Variants in CELSR1 observed in about 807,000 individuals in gnomAD.
CELSR1 encodes the protein cadherin EGF LAG seven-pass G-type receptor 1.
A neutral mutation model predicts 249.1 loss-of-function variants in CELSR1; 110 were observed. The ratio of observed to expected loss-of-function variants is 0.44; its 90% CI spans 0.38 to 0.52. The LOEUF (loss-of-function observed/expected upper bound fraction) is 0.52. Among genes scored for constraint, CELSR1 ranks in the 20% least tolerant of loss-of-function variants. CELSR1 has a pLI of 0.00. For synonymous variants in CELSR1, 2,113 were observed against 1,900.0 expected, an observed-to-expected ratio of 1.11 and a Z score of -2.92; for missense variants, 4,109 against 4,296.4, an observed-to-expected ratio of 0.96 and a Z score of 1.22.
In CELSR1 at chr22:46,380,750, G is replaced by T; in HGVS notation, c.7256+38C>A. 6.2e-7 allele frequency: 1 copy of T among 1,601,334 alleles called. No homozygotes were observed. Among genetic ancestry groups the T allele is most frequent in the South Asian group, 1.1e-5 (1 of 90,714 alleles). ...GACCCTGCGGGGGCACTCTGCCTTG[G>T]CAAAGCCCTCACATGGGGCTCCTGG... is the stretch of plus-strand genomic sequence containing the variant. On this transcript the variant is annotated intron_variant, in intron 22 of 34. Transcript: ENST00000674500. The surrounding 1 kb of genome is among the most constrained non-coding windows in gnomAD (Gnocchi z 5.1).
rs1419857490 is a variant in CELSR1, at chr22:46,512,066, C to T, written c.3544+21561G>A. ...TCAGGTTCTGGGGTCCTGAAGTGCC[C>T]CGAGCCCACCCCCAGATCCCAGCCC... On this transcript the variant is annotated intron_variant, in intron 1 of 34. Transcript: ENST00000674500. This position sits in a 1 kb window ranked among gnomAD's most constrained non-coding sequence, Gnocchi z 5.2. Among the ~76,000 whole-genome samples the T allele has an allele frequency of 6.6e-6, 1 of 152,066 alleles. No individual in the cohort carries two copies. The highest frequency in any genetic ancestry group is 2.4e-5 in the African/African-American group (1 of 41,382).
At position 46,535,363 on chromosome 22, in the gene CELSR1, C is replaced by G; in HGVS notation, c.1808G>C (p.Arg603Pro). Residue 603 changes from arginine (R) to proline (P), a missense_variant, in exon 1 of 35, where the codon CGC becomes CCC. Arg to Pro is a moderately radical substitution (Grantham distance 103). Transcript: ENST00000674500. The part of the protein sequence containing the change: ...DSGENARLHY[R>P]LVDTASTFLG... ...AAAGGTGGAGGCCGTGTCCACCAGG[C>G]GATAGTGCAGCCGGGCGTTCTCTCC... 1 of 1,612,154 alleles carries G rather than the reference C, an allele frequency of 6.2e-7. No homozygotes were observed. Among genetic ancestry groups the G allele is most frequent in the East Asian group, 2.2e-5 (1 of 44,876 alleles).
intron 1 of CELSR1, among the ~76,000 whole-genome samples, chr22:46,489,747 T>C (rs1442272735): frequency 1.3e-5 from 2 of 151,976 alleles, no homozygotes; most frequent in African/African-American, 4.8e-5. Flanking sequence ...ACCCCATCTC[T>C]AGCGGGGCGT....
chr22:46,480,683 C>T (rs2080257378), intron 1 of CELSR1, among the ~76,000 whole-genome samples: 1 of 152,304 alleles, frequency 6.6e-6, no homozygotes, highest in Admixed American at 6.5e-5. Flanking sequence ...CCTGTTGGTA[C>T]CTGTGTAGTA....
chr22:46,392,944 A>C (rs1014632564), intron 14 of CELSR1, among the ~76,000 whole-genome samples: 1 of 152,148 alleles, frequency 6.6e-6, no homozygotes, highest in South Asian at 2.1e-4. Context: ...CCACTATGCC[A>C]CCACCGCCAT....
At chr22:46,457,112 C>T (rs931281650) in intron 2 of CELSR1, among the ~76,000 whole-genome samples, 2 of 152,210 alleles carry the variant, frequency 1.3e-5, no homozygotes, top group East Asian at 1.9e-4. Context: ...TTTGGGAGGC[C>T]GAGGCGGGAG....
intron 9 of CELSR1, among the ~76,000 whole-genome samples, chr22:46,404,411 C>T (rs1392654325): frequency 7.0e-6 from 1 of 142,772 alleles, no homozygotes; most frequent in Non-Finnish European, 1.5e-5. Context: ...GACTCCATTT[C>T]AAAAAAAAAA....
At chr22:46,426,005 T>C (rs1185025505) in intron 5 of CELSR1, among the ~76,000 whole-genome samples, 2 of 152,250 alleles carry the variant, frequency 1.3e-5, no homozygotes, top group African/African-American at 4.8e-5. Context: ...AAAACCTTCC[T>C]TCTTCCCTTC....
chr22:46,511,295 A>C (rs1021485998), intron 1 of CELSR1, among the ~76,000 whole-genome samples: 3 of 152,220 alleles, frequency 2.0e-5, no homozygotes. Context: ...AGACTCCCTG[A>C]GAACCACACG....
intron 25 of CELSR1, among the ~76,000 whole-genome samples, chr22:46,371,190 G>C (rs2078847476): frequency 6.6e-6 from 1 of 152,148 alleles, no homozygotes; most frequent in African/African-American, 2.4e-5. Flanking sequence ...GGGTCCCTTA[G>C]AGTAAGGGAG....
rs1345472860 is a variant in CELSR1 at position 46,463,848 on chromosome 22, G to A, written c.4042C>T (p.Arg1348Cys). ...GTGAAGCCGGGCGGGCAGCGGCAGC[G>A]CAGGCCGTTGATGGGGTGGATGGGC... ...FRPIHPINGL[R>C]CRCPPGFTGD... is the part of the protein sequence containing the mutation. Residue 1348 changes from arginine to cysteine, a missense_variant, in exon 2 of 35, where the codon CGC (arginine) becomes TGC (cysteine). Physicochemically the swap from Arg to Cys is radical, Grantham distance 180 (BLOSUM62 -3). Transcript: ENST00000674500. The A allele has an allele frequency of 1.9e-6, 3 of 1,611,958 alleles. No individual in the cohort carries two copies. Among genetic ancestry groups the A allele is most frequent in the Non-Finnish European group, 2.5e-6 (3 of 1,179,150 alleles).
intron 1 of CELSR1, among the ~76,000 whole-genome samples, chr22:46,497,046 C>T (rs1322576134): frequency 1.3e-5 from 2 of 152,160 alleles, no homozygotes; most frequent in African/African-American, 4.8e-5. Flanking sequence ...ACACCAGCAT[C>T]ACCACAAACA....
At position 46,409,808 on chromosome 22, in the gene CELSR1, T is replaced by G. The variant is rs752594484; in HGVS notation, c.5006A>C (p.Asn1669Thr). Residue 1669 changes from asparagine (N) to threonine (T), a missense_variant, in exon 8 of 35, where the codon AAT becomes ACT. Transcript: ENST00000674500. This position sits in a 1 kb window ranked among gnomAD's most constrained non-coding sequence, Gnocchi z 9.8. Reference protein sequence around the residue: ...QNGGTCVNRWNMYLCECPLRF... With the variant: ...QNGGTCVNRWTMYLCECPLRF... ...GAGTGGACACTCACACAGATACATA[T>G]TCCACCTGTTGACACAGGTGCCTCC... The G allele has an allele frequency of 5.6e-6, 9 of 1,613,742 alleles. No homozygotes were observed. The highest frequency in any genetic ancestry group is 2.7e-5 in the African/African-American group (2 of 74,920).
Position 46,534,178 on chromosome 22 carries a change from A to T in CELSR1, c.2993T>A (p.Met998Lys). The change falls in exon 1 of 35, where the codon ATG (methionine) becomes AAG (lysine). Residue 998 changes from methionine (M) to lysine (K), a missense_variant. Coordinates refer to ENST00000674500, the MANE Select transcript of CELSR1 (RefSeq NM_001378328.1). This position sits in a 1 kb window ranked among gnomAD's most constrained non-coding sequence, Gnocchi z 9.7. Reference sequence around the variant, plus strand: ...CAGCTCCAGTTCGTCCTTCTCAAACATGGGGGCATTGTCATTAATGTCCAA... The same window carrying T: ...CAGCTCCAGTTCGTCCTTCTCAAACTTGGGGGCATTGTCATTAATGTCCAA... ...TILDINDNAPMFEKDELELFV... is the reference protein window; with the variant it reads ...TILDINDNAPKFEKDELELFV... 2.5e-6 allele frequency: 4 copies of T among 1,613,808 alleles called. No homozygotes were observed. Among genetic ancestry groups the T allele is most frequent in the Non-Finnish European group, 3.4e-6 (4 of 1,180,020 alleles).
At chr22:46,458,645 G>C (rs1176158840) in intron 2 of CELSR1, among the ~76,000 whole-genome samples, 1 of 152,190 alleles carries the variant, frequency 6.6e-6, no homozygotes, top group Non-Finnish European at 1.5e-5. Context: ...AGAGGGAAGA[G>C]GCTGGAGGCC....
In CELSR1 at chr22:46,526,170, T is replaced by C. The variant is rs112579482; in HGVS notation, c.3544+7457A>G. Among the ~76,000 whole-genome samples the C allele has an allele frequency of 6.6e-6, 1 of 152,140 alleles. No homozygotes were observed. The highest frequency in any genetic ancestry group is 1.5e-5 in the Non-Finnish European group (1 of 68,026). ...CCCAGGCCCCTTTTTCCCGTCCGCCTCCTGCTCCTCCATTCCCTCCAGGTC... is the reference window on the plus strand; with the variant it reads ...CCCAGGCCCCTTTTTCCCGTCCGCCCCCTGCTCCTCCATTCCCTCCAGGTC... On this transcript the variant is annotated intron_variant, in intron 1 of 34. Coordinates refer to ENST00000674500, the MANE Select transcript of CELSR1 (RefSeq NM_001378328.1). This position sits in a 1 kb window ranked among gnomAD's most constrained non-coding sequence, Gnocchi z 4.7.
chr22:46,439,227 C>T lies in CELSR1; in HGVS notation c.4368G>A (p.Arg1456=), dbSNP rs779230894. 38 of 1,613,966 alleles carry T rather than the reference C, an allele frequency of 2.4e-5. No individual in the cohort carries two copies. The highest frequency in any genetic ancestry group is 1.6e-4 in the Middle Eastern group (1 of 6,084). Residue 1456 remains arginine (R), a synonymous_variant, in exon 3 of 35, where the codon CGG becomes CGA. Transcript: ENST00000674500. ...SFPPQSFVTF[R]GLRQRFHFTI... is the part of the protein sequence containing the mutation. ...TGAAGTGGAAGCGCTGTCTCAGGCC[C>T]CGGAAGGTGACGAAGGACTGGGGCG...
In CELSR1 at chr22:46,413,888, C is replaced by T. The variant is rs754420601; in HGVS notation, c.4612-2129G>A. Reference sequence around the variant, plus strand: ...TGTGAGCCCCACCTTATCTTTACAACTTATAATTTACATTTTTGGGGCTGG... The same window carrying T: ...TGTGAGCCCCACCTTATCTTTACAATTTATAATTTACATTTTTGGGGCTGG... On this transcript the variant is annotated intron_variant, in intron 5 of 34. Coordinates refer to ENST00000674500, the MANE Select transcript of CELSR1 (RefSeq NM_001378328.1). The surrounding 1 kb of genome is among the most constrained non-coding windows in gnomAD (Gnocchi z 4.7). Among the ~76,000 whole-genome samples the T allele has an allele frequency of 6.6e-6, 1 of 152,212 alleles. No homozygotes were observed. Among genetic ancestry groups the T allele is most frequent in the Non-Finnish European group, 1.5e-5 (1 of 68,032 alleles).
chr22:46,419,730 TCACC>T (rs1456771471), intron 5 of CELSR1, among the ~76,000 whole-genome samples: 1 of 151,950 alleles, frequency 6.6e-6, no homozygotes, highest in Non-Finnish European at 1.5e-5. Flanking sequence ...GTGTGTACAC[TCACC>T]CACACTCGTG....
Sources: gnomAD v4.1 joint callset for allele counts (sites outside exome capture counted in the v4.1 genomes callset) on GRCh38, gnomAD v4.1.1 for gene constraint, Gnocchi (gnomAD v3.1) non-coding constraint, MANE v1.5 for transcripts, NCBI Gene and HGNC (gene_info 2026-07-23, HGNC 2026-07-21) for gene names.